The following ROBO1 variants were observed in gnomAD, a reference collection of about 807,000 sequenced individuals.
ROBO1 encodes the protein roundabout homolog 1.
Under a neutral mutation model 195.9 loss-of-function variants are expected in ROBO1, and 149 were observed. The ratio of observed to expected loss-of-function variants is 0.76; its 90% CI spans 0.67 to 0.87. ROBO1 has a LOEUF of 0.87. Ranked by LOEUF, ROBO1 falls within the 40% of genes least tolerant of loss-of-function variation. ROBO1 has a pLI of 0.00. For missense variants in ROBO1, 1,933 were observed against 2,068.3 expected, an observed-to-expected ratio of 0.93 and a Z score of 1.27; for synonymous variants, 816 against 733.2, an observed-to-expected ratio of 1.11 and a Z score of -1.82.
intron 5 of ROBO1, among the ~76,000 whole-genome samples, chr3:78,720,900 C>A (rs1292966780): frequency 2.0e-5 from 3 of 149,802 alleles, no homozygotes; most frequent in Non-Finnish European, 4.4e-5. Context: ...ACAATGAGAA[C>A]ACTTGGACAC....
At chr3:79,721,163 T>G (rs1027935254) in intron 1 of ROBO1, among the ~76,000 whole-genome samples, 2 of 152,176 alleles carry the variant, frequency 1.3e-5, no homozygotes, top group Non-Finnish European at 2.9e-5. Context: ...TCCAAATTCA[T>G]GCATTCTCCT....
At chr3:79,097,005 AT>A (rs2079582928) in intron 3 of ROBO1, among the ~76,000 whole-genome samples, 1 of 151,692 alleles carries the variant, frequency 6.6e-6, no homozygotes, top group African/African-American at 2.4e-5. Context: ...GAAATACTTT[AT>A]TTTAGTTTTA....
intron 26 of ROBO1, among the ~76,000 whole-genome samples, chr3:78,623,338 A>G (rs1021991637): frequency 6.6e-6 from 1 of 152,158 alleles, no homozygotes; most frequent in African/African-American, 2.4e-5. Flanking sequence ...AGAGGAGAAA[A>G]TGGTGTTCCA....
At chr3:79,187,794 C>A (rs1162888555) in intron 2 of ROBO1, among the ~76,000 whole-genome samples, 1 of 152,020 alleles carries the variant, frequency 6.6e-6, no homozygotes, top group East Asian at 1.9e-4. Flanking sequence ...CAGAAACAAA[C>A]CTGAATTTAT....
intron 2 of ROBO1, among the ~76,000 whole-genome samples, chr3:79,557,848 T>C (rs1942769153): frequency 6.6e-6 from 1 of 151,258 alleles, no homozygotes; most frequent in Non-Finnish European, 1.5e-5. Flanking sequence ...AAAGATTGCT[T>C]TCCAGAGCAT....
chr3:79,731,997 A>T (rs1703167909), intron 1 of ROBO1, among the ~76,000 whole-genome samples: 1 of 152,138 alleles, frequency 6.6e-6, no homozygotes, highest in Non-Finnish European at 1.5e-5. Flanking sequence ...TAGTTATGTG[A>T]ACAACATTGC....
At chr3:79,237,565 G>A (rs1180041865) in intron 2 of ROBO1, among the ~76,000 whole-genome samples, 1 of 152,060 alleles carries the variant, frequency 6.6e-6, no homozygotes, top group African/African-American at 2.4e-5. Context: ...AAATACTCAT[G>A]GGTAAAGAGA....
At chr3:79,187,818 A>G (rs935718288) in intron 2 of ROBO1, among the ~76,000 whole-genome samples, 1 of 152,010 alleles carries the variant, frequency 6.6e-6, no homozygotes, top group Non-Finnish European at 1.5e-5. Flanking sequence ...AAGCTGTCCT[A>G]ATACACCATA....
intron 2 of ROBO1, among the ~76,000 whole-genome samples, chr3:79,292,167 GTT>G (rs2032289827): frequency 6.6e-6 from 1 of 151,960 alleles, no homozygotes. Flanking sequence ...TCATGATTTG[GTT>G]CTCTGTTTGT....
chr3:78,799,983 A>G (rs1054278407), intron 4 of ROBO1, among the ~76,000 whole-genome samples: 1 of 152,170 alleles, frequency 6.6e-6, no homozygotes, highest in Non-Finnish European at 1.5e-5. Context: ...TGGGGCAACA[A>G]TTCAGTCCAG....
intron 2 of ROBO1, among the ~76,000 whole-genome samples, chr3:79,576,235 C>T (rs1038696737): frequency 6.6e-6 from 1 of 151,812 alleles, no homozygotes; most frequent in African/African-American, 2.4e-5. Context: ...CTCTTGCATG[C>T]CATGATGTGT....
intron 8 of ROBO1, among the ~76,000 whole-genome samples, chr3:78,694,961 A>G (rs1226397920): frequency 6.6e-6 from 1 of 152,128 alleles, no homozygotes; most frequent in African/African-American, 2.4e-5. Flanking sequence ...TTCCTAAAAC[A>G]TTTCAAAAAT....
intron 2 of ROBO1, among the ~76,000 whole-genome samples, chr3:79,362,315 A>G (rs776879956): frequency 5.9e-5 from 9 of 152,112 alleles, no homozygotes; most frequent in Non-Finnish European, 1.3e-4. Flanking sequence ...TATGAGTAAC[A>G]ATTAGAATGA....
intron 4 of ROBO1, among the ~76,000 whole-genome samples, chr3:78,782,664 C>A (rs1470600779): frequency 6.6e-6 from 1 of 152,130 alleles, no homozygotes; most frequent in East Asian, 1.9e-4. Flanking sequence ...CTATAAACAC[C>A]ACTGTTTTTA....
Position 79,546,572 on chromosome 3 carries a change from C to T in ROBO1, c.88+43252G>A, listed in dbSNP as rs896139334. On this transcript the variant is annotated intron_variant, in intron 2 of 30. Transcript: ENST00000464233. ...CCCTGCTGCTGTATAGGATACACTC[C>T]ACTTTTCTCAGAAAAAGAAAGATGA... 2.0e-5 allele frequency among the ~76,000 whole-genome samples: 3 copies of T among 152,164 alleles called. No individual in the cohort carries two copies. The East Asian group carries it at 5.8e-4, about 29-fold the overall frequency.
intron 2 of ROBO1, among the ~76,000 whole-genome samples, chr3:79,304,035 T>C (rs1036919343): frequency 6.6e-6 from 1 of 152,254 alleles, no homozygotes; most frequent in Admixed American, 6.5e-5. Flanking sequence ...GTTTTCATTT[T>C]TTAAAAATGT....
At chr3:78,996,340 C>A (rs200401871) in intron 3 of ROBO1, among the ~76,000 whole-genome samples, 81 of 148,166 alleles carry the variant, frequency 5.5e-4, no homozygotes, top group East Asian at 1.0e-3. Flanking sequence ...AAAAAAAAAA[C>A]AAAAAAAAAA....
chr3:79,447,963 A>G (rs1051631283), intron 2 of ROBO1, among the ~76,000 whole-genome samples: 1 of 152,154 alleles, frequency 6.6e-6, no homozygotes, highest in Non-Finnish European at 1.5e-5. Flanking sequence ...ACTACCTACT[A>G]TTGTTGATAC....
At chr3:79,029,819 A>G (rs934687073) in intron 3 of ROBO1, among the ~76,000 whole-genome samples, 3 of 152,180 alleles carry the variant, frequency 2.0e-5, no homozygotes, top group African/African-American at 7.2e-5. Flanking sequence ...CTGTGTGATG[A>G]TCCTAGAACA....
Sources: gnomAD v4.1 joint callset for allele counts (sites outside exome capture counted in the v4.1 genomes callset) on GRCh38, gnomAD v4.1.1 for gene constraint, MANE v1.5 for transcripts, NCBI Gene and HGNC (gene_info 2026-07-23, HGNC 2026-07-21) for gene names.